The following SEC22C variants were observed in gnomAD, a reference collection of about 807,000 sequenced individuals.
SEC22C encodes vesicle-trafficking protein SEC22c.
Under a neutral mutation model 34.7 loss-of-function variants are expected in SEC22C, and 29 were observed. That is an observed-to-expected ratio of 0.84 (90% CI 0.62 to 1.14). The LOEUF is 1.14. SEC22C is among the 50% of genes most tolerant of loss of function. The pLI, the probability that SEC22C is intolerant of heterozygous loss-of-function variation, is 0.00. For missense variants in SEC22C, 337 were observed against 369.0 expected (o/e 0.91, Z 0.71); for synonymous variants, 117 against 132.8 (o/e 0.88, Z 0.82).
intron 1 of SEC22C, among the ~76,000 whole-genome samples, chr3:42,570,022 C>T (rs895381095): frequency 1.3e-4 from 20 of 152,244 alleles, no homozygotes; most frequent in Non-Finnish European, 2.6e-4. Flanking sequence ...AGGATGTGTC[C>T]ACACATCGTA....
intron 1 of SEC22C, among the ~76,000 whole-genome samples, chr3:42,577,172 G>A (rs1410369592): frequency 6.6e-6 from 1 of 152,060 alleles, no homozygotes; most frequent in Non-Finnish European, 1.5e-5. Context: ...AAACATAGGA[G>A]GAAATCTTCA....
chr3:42,574,121 C>T (rs1323604067), intron 1 of SEC22C, among the ~76,000 whole-genome samples: 1 of 151,966 alleles, frequency 6.6e-6, no homozygotes, highest in African/African-American at 2.4e-5. Context: ...AAATAATAAC[C>T]TTACCTATAA....
At chr3:42,563,845 C>T in intron 2 of SEC22C, 159 bp from the exon 3 acceptor site, 1 of 1,516,262 alleles carries the variant, frequency 6.6e-7, no homozygotes, top group Non-Finnish European at 8.8e-7. Flanking sequence ...TCGACCTATT[C>T]CTGAGACTGT....
intron 1 of SEC22C, among the ~76,000 whole-genome samples, chr3:42,593,139 T>G (rs1222811166): frequency 2.0e-5 from 3 of 152,118 alleles, no homozygotes; most frequent in Non-Finnish European, 4.4e-5. Context: ...TGGTGGCTCA[T>G]CCCTGTAATC....
intron 1 of SEC22C, among the ~76,000 whole-genome samples, chr3:42,575,455 A>G (rs960423105): frequency 3.3e-5 from 5 of 152,354 alleles, no homozygotes; most frequent in African/African-American, 1.2e-4. Flanking sequence ...GCATGCAAAC[A>G]TTAATCAAAA....
Position 42,549,409 on chromosome 3 carries a change from C to A in SEC22C, c.*3839G>T, listed in dbSNP as rs1050961688. 1.2e-5 allele frequency: 12 copies of A among 985,540 alleles called. No individual in the cohort carries two copies. In the South Asian group the frequency reaches 3.3e-4, roughly 27 times the overall value. The allele number at this position is 985,540 out of a possible 1,614,324, so 61.0% of individuals were successfully genotyped here. ...CCTGGCTACAAGGTGCAGTGTGCAACCCCCATATGCCAAGGGGCAGCTGCT... is the reference window on the plus strand; with the variant it reads ...CCTGGCTACAAGGTGCAGTGTGCAAACCCCATATGCCAAGGGGCAGCTGCT... On this transcript the variant is annotated 3_prime_UTR_variant, in exon 7 of 7. Transcript: ENST00000264454.
At chr3:42,590,137 C>T (rs1443925404) in intron 1 of SEC22C, among the ~76,000 whole-genome samples, 2 of 152,186 alleles carry the variant, frequency 1.3e-5, no homozygotes, top group Admixed American at 6.5e-5. Flanking sequence ...TAAGTCCAGG[C>T]TATGTGGAAA....
chr3:42,552,116 T>C lies in SEC22C; in HGVS notation c.*1132A>G, dbSNP rs1316224942. ...ATTTTGGAAAACTGTGATCAATCAA[T>C]TTTTTGACAGTGAAAGAGAGTAACT... is the stretch of plus-strand genomic sequence containing the variant. On this transcript the variant is annotated 3_prime_UTR_variant, in exon 7 of 7. Transcript: ENST00000264454. 2.7e-5 allele frequency: 27 copies of C among 985,222 alleles called. No homozygotes were observed. Among genetic ancestry groups the C allele is most frequent in the Non-Finnish European group, 3.1e-5 (26 of 829,836 alleles). 61.0% of individuals were successfully genotyped at this position (985,222 alleles called of 1,614,324 possible).
At chr3:42,571,309 G>C (rs1251742714) in intron 1 of SEC22C, among the ~76,000 whole-genome samples, 2 of 151,812 alleles carry the variant, frequency 1.3e-5, no homozygotes, top group African/African-American at 2.4e-5. Context: ...TAGTATTCAA[G>C]ATAAATAAAT....
intron 1 of SEC22C, chr3:42,590,715 C>A (rs192206155): frequency 3.8e-4 from 259 of 678,944 alleles, no homozygotes; most frequent in African/African-American, 3.8e-3. Flanking sequence ...GAAAACGCCC[C>A]CGGCGTTCTG....
rs943883014 is a variant in SEC22C at position 42,557,771 on chromosome 3, C to G, written c.527-75G>C. 3 of 730,668 alleles carry G rather than the reference C, an allele frequency of 4.1e-6. No individual in the cohort carries two copies. In the African/African-American group the frequency reaches 5.3e-5, roughly 13 times the overall value. The allele number at this position is 730,668 out of a possible 1,614,324, so 45.3% of individuals were successfully genotyped here. A position where few individuals can be genotyped will look rare whatever the true frequency, so the allele number is the denominator to read the frequency against. On this transcript the variant is annotated intron_variant, in intron 4 of 6. Transcript: ENST00000264454. ...AAAGAAAAATAAACGAAGACATTAA[C>G]TAGACCTACACTAATGATAGGTTCA...
At position 42,554,092 on chromosome 3, in the gene SEC22C, GT is replaced by G. The variant is rs1162882576; in HGVS notation, c.712-645del. On this transcript the variant is annotated intron_variant, in intron 6 of 6. Coordinates refer to ENST00000264454, the MANE Select transcript of SEC22C (RefSeq NM_032970.4). ...AAACGGCATTTTGGTTCAATGCTTTGTTTTTTTTTTTTAAAAAAAGGACATC... is the reference window on the plus strand; with the variant it reads ...AAACGGCATTTTGGTTCAATGCTTTGTTTTTTTTTTTAAAAAAAGGACATC... Among the ~76,000 whole-genome samples the G allele has an allele frequency of 2.5e-3, 362 of 144,644 alleles. 1 individual carries two copies. Among genetic ancestry groups the G allele is most frequent in the Non-Finnish European group, 3.7e-3 (245 of 65,458 alleles). 94.9% of individuals were successfully genotyped at this position (144,644 alleles called of 152,430 possible).
At chr3:42,600,470 A>AG (rs147795349) in intron 1 of SEC22C, 1,716 of 151,464 alleles carry the variant, frequency 0.011, 15 homozygotes, top group Non-Finnish European at 0.016. Context: ...CTGACTTCAA[A>AG]GGGGGGGGCA....
rs941511989 is a variant in SEC22C, at chr3:42,553,096, C to T, written c.*152G>A. The T allele has an allele frequency of 1.4e-6, 2 of 1,445,088 alleles. No individual in the cohort carries two copies. Among genetic ancestry groups the T allele is most frequent in the Middle Eastern group, 2.5e-4 (1 of 3,926 alleles). The allele number at this position is 1,445,088 out of a possible 1,614,324, so 89.5% of individuals were successfully genotyped here. A position where few individuals can be genotyped will look rare whatever the true frequency, so the allele number is the denominator to read the frequency against. On this transcript the variant is annotated 3_prime_UTR_variant, in exon 7 of 7. Transcript: ENST00000264454. ...GGGTATCAAGCAACCTCATGACTTC[C>T]ACTGCAACTGTTTAACATCCCCAAT... is the stretch of plus-strand genomic sequence containing the variant.
chr3:42,597,507 G>T (rs1171549915), intron 1 of SEC22C, among the ~76,000 whole-genome samples: 1 of 150,594 alleles, frequency 6.6e-6, no homozygotes, highest in Non-Finnish European at 1.5e-5. Flanking sequence ...AGTGAGCCAA[G>T]ATCGTGCCAC....
chr3:42,590,680 C>T (rs1704790066), intron 1 of SEC22C: 2 of 611,412 alleles, frequency 3.3e-6, no homozygotes, highest in East Asian at 2.8e-5. Flanking sequence ...TTTCGCTCTC[C>T]AGACTGCGCA....
chr3:42,589,961 GGTT>G (rs769104319), intron 1 of SEC22C, among the ~76,000 whole-genome samples: 1 of 152,166 alleles, frequency 6.6e-6, no homozygotes, highest in Non-Finnish European at 1.5e-5. Flanking sequence ...GGCAGTCCCG[GGTT>G]GTTAAGGGTG....
chr3:42,560,254 A>G (rs893020438), intron 4 of SEC22C, among the ~76,000 whole-genome samples: 2 of 147,916 alleles, frequency 1.4e-5, no homozygotes. Context: ...GAAAAAGAGA[A>G]TGAATCTTCT....
chr3:42,550,247 T>A lies in SEC22C; in HGVS notation c.*3001A>T. The A allele has an allele frequency of 1.0e-6, 1 of 985,472 alleles. No homozygotes were observed. Among genetic ancestry groups the A allele is most frequent in the Non-Finnish European group, 1.2e-6 (1 of 829,942 alleles). 61.0% of individuals were successfully genotyped at this position (985,472 alleles called of 1,614,324 possible). A position where few individuals can be genotyped will look rare whatever the true frequency, so the allele number is the denominator to read the frequency against. ...CACCTCTAAAGTTTTGTTTTCAACA[T>A]TATTTCATCTATTCCCAGATCTAGT... On this transcript the variant is annotated 3_prime_UTR_variant, in exon 7 of 7. Transcript: ENST00000264454.
Sources: gnomAD v4.1 joint callset for allele counts (sites outside exome capture counted in the v4.1 genomes callset) on GRCh38, gnomAD v4.1.1 for gene constraint, MANE v1.5 for transcripts, NCBI Gene and HGNC (gene_info 2026-07-23, HGNC 2026-07-21) for gene names.